The following ZNF599 variants were observed in gnomAD, a reference collection of about 807,000 sequenced individuals.
ZNF599 encodes the protein zinc finger protein 599.
ZNF599 carries 10 observed loss-of-function variants against 11.7 expected under a neutral mutation model. The observed-to-expected ratio is 0.86, with a 90% confidence interval of 0.53 to 1.45. The LOEUF is 1.45. Ranked by LOEUF, ZNF599 falls within the 40% of genes most tolerant of loss-of-function variation. ZNF599 has a pLI of 0.00. For missense variants in ZNF599, 688 were observed against 713.6 expected (o/e 0.96, Z 0.41); for synonymous variants, 232 against 253.2 (o/e 0.92, Z 0.79).
At chr19:34,768,504 G>A (rs1477714803) in intron 2 of ZNF599, among the ~76,000 whole-genome samples, 1 of 152,142 alleles carries the variant, frequency 6.6e-6, no homozygotes, top group African/African-American at 2.4e-5. Context: ...ACCAACTTCT[G>A]GGCAAACTGT....
chr19:34,780,663 GGGAA>G, the ZNF599 span, among the ~76,000 whole-genome samples: 28 of 135,432 alleles, frequency 2.1e-4, no homozygotes, highest in Admixed American at 2.3e-4. Context: ...GGGGGAGGGA[GGGAA>G]GGAAGGAAGG....
chr19:34,763,145 C>T (rs528450337), intron 3 of ZNF599: 1 of 152,164 alleles, frequency 6.6e-6, no homozygotes, highest in Non-Finnish European at 1.5e-5. Flanking sequence ...AGGAAAGAAA[C>T]ACATCAACAG....
At chr19:34,781,014 G>A in the ZNF599 span, among the ~76,000 whole-genome samples, 1 of 152,008 alleles carries the variant, frequency 6.6e-6, no homozygotes, top group Admixed American at 6.5e-5. Context: ...AAATTAGCCG[G>A]GCGCGGTGGC....
chr19:34,805,496 G>A, the ZNF599 span, among the ~76,000 whole-genome samples: 1 of 152,026 alleles, frequency 6.6e-6, no homozygotes, highest in South Asian at 2.1e-4. Context: ...GTGCCCAGCT[G>A]CTACCTTTTT....
intron 3 of ZNF599, 103 bp downstream of exon 3, chr19:34,767,213 G>A (rs2069149816): frequency 2.4e-6 from 2 of 842,448 alleles, no homozygotes; most frequent in Admixed American, 2.0e-5. Context: ...CTCCATGACT[G>A]CTCAAGACCA....
chr19:34,783,663 G>T, the ZNF599 span, among the ~76,000 whole-genome samples: 1 of 152,124 alleles, frequency 6.6e-6, no homozygotes, highest in Non-Finnish European at 1.5e-5. Context: ...AGAAAATATA[G>T]AAAATATTTT....
chr19:34,758,994 C>T lies in ZNF599; in HGVS notation c.*40G>A, dbSNP rs370434875. 7.0e-5 allele frequency: 108 copies of T among 1,553,848 alleles called. No individual in the cohort carries two copies. The highest frequency in any genetic ancestry group is 2.5e-4 in the Admixed American group (13 of 52,190). The stretch of plus-strand genomic sequence containing the variant: ...AAGGTATGTCACCACTATGAGTTCA[C>T]TAAAGACAAACACACTTGTAATAGG... On this transcript the variant is annotated 3_prime_UTR_variant, in exon 4 of 4. Transcript: ENST00000329285.
At chr19:34,777,492 GAT>G (rs1461301471), upstream of ZNF599, among the ~76,000 whole-genome samples, 3 of 93,738 alleles carry the variant, frequency 3.2e-5, no homozygotes, top group Admixed American at 3.1e-4. Flanking sequence ...TATAATATAT[GAT>G]ATATATTAAT....
chr19:34,794,192 G>A, the ZNF599 span, among the ~76,000 whole-genome samples: 1 of 152,126 alleles, frequency 6.6e-6, no homozygotes. Context: ...GCTGCCCCAC[G>A]ATTCAGTCAT....
In ZNF599 at chr19:34,758,764, C is replaced by G; in HGVS notation, c.*270G>C. The G allele has an allele frequency of 3.1e-6, 1 of 327,208 alleles. No homozygotes were observed. The highest frequency in any genetic ancestry group is 5.6e-6 in the Non-Finnish European group (1 of 179,514). 20.3% of individuals were successfully genotyped at this position (327,208 alleles called of 1,614,324 possible). On this transcript the variant is annotated 3_prime_UTR_variant, in exon 4 of 4. Coordinates refer to ENST00000329285, the MANE Select transcript of ZNF599 (RefSeq NM_001007248.3). ...ATTTTACCTAAATGCATGTTAACCA[C>G]CAGGTCTCTCCCCTCGATTATTCTC...
intron 2 of ZNF599, among the ~76,000 whole-genome samples, chr19:34,768,228 G>A (rs2069157886): frequency 6.6e-6 from 1 of 152,180 alleles, no homozygotes; most frequent in African/African-American, 2.4e-5. Context: ...CATTAAAGGG[G>A]AATCAGGCCT....
At chr19:34,805,091 A>G in the ZNF599 span, among the ~76,000 whole-genome samples, 1 of 152,036 alleles carries the variant, frequency 6.6e-6, no homozygotes, top group East Asian at 1.9e-4. Context: ...TTATTTACCT[A>G]CAATTGTCTT....
At chr19:34,795,420 G>A in the ZNF599 span, among the ~76,000 whole-genome samples, 63 of 152,214 alleles carry the variant, frequency 4.1e-4, no homozygotes, top group South Asian at 1.0e-2. Context: ...GACCACAGGC[G>A]CACACTACCC....
At chr19:34,772,697 CG>C (rs1364716764) in intron 1 of ZNF599, 126 bp downstream of exon 1, 3 of 1,499,238 alleles carry the variant, frequency 2.0e-6, no homozygotes, top group Admixed American at 2.1e-5. Context: ...CACCCTCTCC[CG>C]GGATCTCCAT....
chr19:34,778,124 TTA>T, upstream of ZNF599, among the ~76,000 whole-genome samples: 1 of 152,176 alleles, frequency 6.6e-6, no homozygotes, highest in African/African-American at 2.4e-5. Flanking sequence ...GCAGGTTTTT[TTA>T]TATTAGTGAC....
At chr19:34,782,085 C>T in the ZNF599 span, among the ~76,000 whole-genome samples, 40 of 152,340 alleles carry the variant, frequency 2.6e-4, no homozygotes, top group African/African-American at 8.9e-4. Flanking sequence ...GTCACACTCT[C>T]GTCTTCCTAC....
intron 2 of ZNF599, among the ~76,000 whole-genome samples, chr19:34,768,374 G>A (rs184858039): frequency 5.3e-5 from 8 of 152,082 alleles, no homozygotes; most frequent in Non-Finnish European, 1.0e-4. Context: ...ATAACACCAC[G>A]TTTACTTCAT....
chr19:34,758,865 A>G lies in ZNF599; in HGVS notation c.*169T>C. The G allele has an allele frequency of 1.5e-6, 1 of 663,324 alleles. No individual in the cohort carries two copies. The highest frequency in any genetic ancestry group is 2.5e-6 in the Non-Finnish European group (1 of 401,372). 41.1% of individuals were successfully genotyped at this position (663,324 alleles called of 1,614,324 possible). ...GATGACAAGTGATTACCTGCCATAA[A>G]AAGATTTCACAGGGACAATTCTGTT... On this transcript the variant is annotated 3_prime_UTR_variant, in exon 4 of 4. Transcript: ENST00000329285.
At chr19:34,766,513 C>T (rs555528603) in intron 3 of ZNF599, among the ~76,000 whole-genome samples, 79 of 152,288 alleles carry the variant, frequency 5.2e-4, no homozygotes, top group African/African-American at 1.6e-3. Flanking sequence ...TATCACTATT[C>T]CTTATGACTA....
Sources: gnomAD v4.1 joint callset for allele counts (sites outside exome capture counted in the v4.1 genomes callset) on GRCh38, gnomAD v4.1.1 for gene constraint, MANE v1.5 for transcripts, NCBI Gene and HGNC (gene_info 2026-07-23, HGNC 2026-07-21) for gene names.